The following EFHC2 variants were observed in gnomAD, a reference collection of about 807,000 sequenced individuals.
EFHC2 encodes EF-hand domain-containing family member C2.
A neutral mutation model predicts 52.7 loss-of-function variants in EFHC2; 18 were observed. That is an observed-to-expected ratio of 0.34 (90% CI 0.24 to 0.51). The LOEUF (loss-of-function observed/expected upper bound fraction) is 0.51. Among genes scored for constraint, EFHC2 ranks in the 20% least tolerant of loss-of-function variants. The probability of loss-of-function intolerance (pLI) is 0.97; values close to 1 mark genes in which losing one functional copy is unlikely to be tolerated. For missense variants in EFHC2, 513 were observed against 562.5 expected (o/e 0.91, Z 0.89); for synonymous variants, 203 against 204.1 (o/e 0.99, Z 0.04).
chrX:44,300,854 T>G (rs908414915), intron 2 of EFHC2, among the ~76,000 whole-genome samples: 2 of 110,450 alleles, frequency 1.8e-5, no homozygotes, highest in African/African-American at 6.6e-5. Context: ...CTCACACCTG[T>G]AACACCAGCA....
chrX:44,304,008 CTATGTAAA>C (rs1466921553), intron 2 of EFHC2, among the ~76,000 whole-genome samples: 2 of 112,318 alleles, frequency 1.8e-5, no homozygotes, highest in Non-Finnish European at 3.8e-5. Context: ...ATTGTAGAGT[CTATGTAAA>C]TGGGGCTTAA....
At chrX:44,282,645 GGT>G in intron 2 of EFHC2, among the ~76,000 whole-genome samples, 1 of 17,884 alleles carries the variant, frequency 5.6e-5, no homozygotes, top group African/African-American at 2.2e-4. Context: ...GGTGGGGGGG[GGT>G]GGGGGGGTGG....
chrX:44,229,086 C>T (rs976386894), intron 11 of EFHC2, among the ~76,000 whole-genome samples: 9 of 112,326 alleles, frequency 8.0e-5, no homozygotes, highest in Non-Finnish European at 1.7e-4. Context: ...TAGAGAAAAT[C>T]TTAATCATGA....
intron 3 of EFHC2, among the ~76,000 whole-genome samples, chrX:44,263,171 GAACA>G (rs2037553945): frequency 8.9e-6 from 1 of 112,316 alleles, no homozygotes; most frequent in East Asian, 2.8e-4. Flanking sequence ...AAGGAAAGCA[GAACA>G]AACTGCAGAT....
At chrX:44,168,486 T>A (rs1160376654) in intron 13 of EFHC2, among the ~76,000 whole-genome samples, 1 of 108,198 alleles carries the variant, frequency 9.2e-6, no homozygotes, top group Admixed American at 9.8e-5. Context: ...GAGCCGAGAT[T>A]GCGCCACTAC....
intron 11 of EFHC2, among the ~76,000 whole-genome samples, chrX:44,217,080 A>T (rs182240022): frequency 1.8e-5 from 2 of 112,490 alleles, no homozygotes; most frequent in East Asian, 5.5e-4. Context: ...CACATTTCTC[A>T]AAAGAAGACA....
intron 2 of EFHC2, among the ~76,000 whole-genome samples, chrX:44,288,096 C>T (rs1483705343): frequency 9.0e-6 from 1 of 111,217 alleles, no homozygotes; most frequent in Non-Finnish European, 1.9e-5. Context: ...GAAAAATGCA[C>T]ATGGTAAAAT....
intron 14 of EFHC2, among the ~76,000 whole-genome samples, chrX:44,161,667 G>A (rs947968001): frequency 4.5e-5 from 5 of 111,924 alleles, no homozygotes; most frequent in Non-Finnish European, 7.5e-5. Flanking sequence ...GGGCTCTGGA[G>A]AGCAGTGCTA....
At chrX:44,227,771 T>C (rs1207307159) in intron 11 of EFHC2, among the ~76,000 whole-genome samples, 1 of 111,677 alleles carries the variant, frequency 9.0e-6, no homozygotes, top group East Asian at 2.8e-4. Flanking sequence ...GCAGGTGATC[T>C]ACTCTAGATA....
intron 1 of EFHC2, among the ~76,000 whole-genome samples, chrX:44,333,436 G>C (rs2038100035): frequency 9.0e-6 from 1 of 111,195 alleles, no homozygotes; most frequent in Non-Finnish European, 1.9e-5. Flanking sequence ...ATACCCAAAG[G>C]ACAAACAGTG....
At chrX:44,233,382 T>C (rs1269653959) in intron 9 of EFHC2, among the ~76,000 whole-genome samples, 1 of 112,287 alleles carries the variant, frequency 8.9e-6, no homozygotes, top group African/African-American at 3.2e-5. Flanking sequence ...CTTCTTTTAG[T>C]AATGCCTCAT....
chrX:44,229,887 TA>T lies in EFHC2; in HGVS notation c.1621-109del, dbSNP rs1365217230. On this transcript the variant is annotated intron_variant, in intron 10 of 14. Transcript: ENST00000420999. ...GGACTTCACACTGTGAATATGAAGTTAGCAGATTTGTCTTTGCAAAGAAACC... is the reference window on the plus strand; with the variant it reads ...GGACTTCACACTGTGAATATGAAGTTGCAGATTTGTCTTTGCAAAGAAACC... 9 of 813,458 alleles carry T rather than the reference TA, an allele frequency of 1.1e-5. No homozygotes were observed. The African/African-American group carries it at 1.9e-4, about 17-fold the overall frequency. 67.0% of individuals were successfully genotyped at this position (813,458 alleles called of 1,213,427 possible).
At chrX:44,340,835 G>A (rs1278091568) in intron 1 of EFHC2, among the ~76,000 whole-genome samples, 1 of 111,988 alleles carries the variant, frequency 8.9e-6, no homozygotes, top group African/African-American at 3.2e-5. Flanking sequence ...GAAAGAATGT[G>A]GAGCAACAGG....
chrX:44,278,377 A>G (rs750780207), intron 2 of EFHC2, among the ~76,000 whole-genome samples: 1 of 112,118 alleles, frequency 8.9e-6, no homozygotes, highest in African/African-American at 3.2e-5. Flanking sequence ...CATTCCGTGA[A>G]AAACAAACAA....
chrX:44,318,546 C>G (rs6610909), intron 1 of EFHC2, among the ~76,000 whole-genome samples: 6,620 of 110,984 alleles, frequency 0.06, 240 homozygotes, highest in East Asian at 0.27. Flanking sequence ...TATATTTTAC[C>G]ACAATAAAAA....
intron 11 of EFHC2, among the ~76,000 whole-genome samples, chrX:44,179,621 C>T (rs1266971926): frequency 8.9e-6 from 1 of 111,964 alleles, no homozygotes; most frequent in South Asian, 3.8e-4. Context: ...TCTCAAGTTT[C>T]CTGGGTTGTT....
chrX:44,292,979 T>C (rs759963212), intron 2 of EFHC2, among the ~76,000 whole-genome samples: 35 of 103,852 alleles, frequency 3.4e-4, no homozygotes, highest in African/African-American at 1.1e-3. Context: ...TTCTTTCTTT[T>C]TTTTTTTTTT....
chrX:44,161,330 A>G (rs2036653062), intron 14 of EFHC2, among the ~76,000 whole-genome samples: 1 of 111,984 alleles, frequency 8.9e-6, no homozygotes, highest in African/African-American at 3.3e-5. Flanking sequence ...AGAAAAACCA[A>G]TAGGGGCTAG....
intron 4 of EFHC2, among the ~76,000 whole-genome samples, chrX:44,259,118 T>G (rs901471139): frequency 4.5e-5 from 5 of 111,697 alleles, no homozygotes; most frequent in African/African-American, 1.3e-4. Context: ...TGCAGCACTA[T>G]TCACAATAGC....
Sources: gnomAD v4.1 joint callset for allele counts (sites outside exome capture counted in the v4.1 genomes callset) on GRCh38, gnomAD v4.1.1 for gene constraint, MANE v1.5 for transcripts, NCBI Gene and HGNC (gene_info 2026-07-23, HGNC 2026-07-21) for gene names.